SDC3: variants seen among roughly 807,000 people sequenced by gnomAD.
SDC3 encodes syndecan 3.
SDC3 carries 13 observed loss-of-function variants against 24.4 expected under a neutral mutation model. The ratio of observed to expected loss-of-function variants is 0.53; its 90% CI spans 0.35 to 0.85. The LOEUF (loss-of-function observed/expected upper bound fraction) is 0.85, where lower values mean the gene tolerates loss of function less well. SDC3 is among the 40% of genes least tolerant of loss of function. The pLI is 0.01. For synonymous variants in SDC3, 295 were observed against 260.9 expected (o/e 1.13, Z -1.26); for missense variants, 571 against 584.5 (o/e 0.98, Z 0.24).
chr1:30,890,510 CAACT>C (rs1639889361), intron 1 of SDC3, among the ~76,000 whole-genome samples: 1 of 152,150 alleles, frequency 6.6e-6, no homozygotes, highest in Non-Finnish European at 1.5e-5. Context: ...AAACAAGGAG[CAACT>C]GTTAATGGGT....
Position 30,908,462 on chromosome 1 carries a change from C to A in SDC3, c.125G>T (p.Gly42Val). The part of the protein sequence containing the change: ...LPPLLLLLLA[G>V]RAAGAQRWRS... ...CGTGTCACTCACCCCCGCGGCGCGC[C>A]CCGCCAGCAGCAGCAGCAGCAGCGG... Residue 42 changes from glycine (G) to valine (V), a missense_variant, in exon 1 of 5, where the codon GGG (glycine) becomes GTG (valine). Transcript: ENST00000339394. The A allele has an allele frequency of 9.6e-7, 1 of 1,037,630 alleles. No homozygotes were observed. Among genetic ancestry groups the A allele is most frequent in the Middle Eastern group, 4.7e-4 (1 of 2,144 alleles). 64.3% of individuals were successfully genotyped at this position (1,037,630 alleles called of 1,614,324 possible).
At chr1:30,908,319 C>T (rs1249556012) in intron 1 of SDC3, 130 bp downstream of exon 1, 7 of 340,286 alleles carry the variant, frequency 2.1e-5, no homozygotes, top group Non-Finnish European at 2.7e-5. Context: ...GCAGGGACCG[C>T]GGCCCCGGGG....
intron 1 of SDC3, among the ~76,000 whole-genome samples, chr1:30,886,379 G>A (rs1259476427): frequency 6.6e-6 from 1 of 151,796 alleles, no homozygotes; most frequent in African/African-American, 2.4e-5. Flanking sequence ...ACATACGCAC[G>A]CCAACCACCT....
At chr1:30,879,507 A>T (rs966502305) in intron 1 of SDC3, among the ~76,000 whole-genome samples, 1 of 152,086 alleles carries the variant, frequency 6.6e-6, no homozygotes, top group Non-Finnish European at 1.5e-5. Context: ...AGAAAGAAAA[A>T]TACCCACGGT....
chr1:30,897,942 A>G (rs1202467023), intron 1 of SDC3, among the ~76,000 whole-genome samples: 1 of 152,166 alleles, frequency 6.6e-6, no homozygotes, highest in Non-Finnish European at 1.5e-5. Flanking sequence ...ATCTCATGCT[A>G]TCTCCTCACG....
chr1:30,897,952 G>A (rs571619762), intron 1 of SDC3, among the ~76,000 whole-genome samples: 7 of 152,248 alleles, frequency 4.6e-5, no homozygotes, highest in East Asian at 1.9e-4. Context: ...ATCTCCTCAC[G>A]ACAAAAGGGC....
intron 1 of SDC3, among the ~76,000 whole-genome samples, chr1:30,885,329 T>G (rs569006612): frequency 9.9e-5 from 15 of 152,220 alleles, no homozygotes; most frequent in Non-Finnish European, 1.6e-4. Flanking sequence ...GAACTCACTA[T>G]CAAAGTGAAT....
intron 1 of SDC3, among the ~76,000 whole-genome samples, chr1:30,896,700 C>A (rs954038303): frequency 5.9e-5 from 9 of 152,078 alleles, no homozygotes; most frequent in African/African-American, 2.2e-4. Flanking sequence ...CATTTGGGAG[C>A]ATTTTGGGCT....
In SDC3 at chr1:30,872,830, AGG is replaced by A; in HGVS notation, c.*379_*380del. On this transcript the variant is annotated 3_prime_UTR_variant, in exon 5 of 5. Coordinates refer to ENST00000339394, the MANE Select transcript of SDC3 (RefSeq NM_014654.4). ...GCCTGAGTGCCTCTCTGCCCCAAAA[AGG>A]AGATCTCAGTGAGCACTGTGGGTGC... The A allele has an allele frequency of 4.5e-6, 1 of 221,540 alleles. No homozygotes were observed. Among genetic ancestry groups the A allele is most frequent in the Non-Finnish European group, 9.0e-6 (1 of 111,374 alleles). The allele number at this position is 221,540 out of a possible 1,614,324, so 13.7% of individuals were successfully genotyped here.
chr1:30,897,010 G>A (rs1638277262), intron 1 of SDC3, among the ~76,000 whole-genome samples: 1 of 152,156 alleles, frequency 6.6e-6, no homozygotes, highest in African/African-American at 2.4e-5. Context: ...TGAGGCTGGA[G>A]AAGTGCATTG....
At chr1:30,894,120 A>AGTGT (rs995033839) in intron 1 of SDC3, among the ~76,000 whole-genome samples, 1 of 151,332 alleles carries the variant, frequency 6.6e-6, no homozygotes, top group Non-Finnish European at 1.5e-5. Flanking sequence ...GAGCCCCAGC[A>AGTGT]GTGTGTGTGT....
chr1:30,875,851 T>C (rs1639628275), intron 3 of SDC3, among the ~76,000 whole-genome samples: 1 of 152,182 alleles, frequency 6.6e-6, no homozygotes, highest in African/African-American at 2.4e-5. Flanking sequence ...CAGTTGCTCG[T>C]CTGTAAAATG....
In SDC3 at chr1:30,869,735, C is replaced by T. The variant is rs985168532; in HGVS notation, c.*3476G>A. The T allele has an allele frequency of 7.5e-6, 3 of 398,546 alleles. No homozygotes were observed. The highest frequency in any genetic ancestry group is 8.8e-6 in the Non-Finnish European group (2 of 226,150). 24.7% of individuals were successfully genotyped at this position (398,546 alleles called of 1,614,324 possible). On this transcript the variant is annotated 3_prime_UTR_variant, in exon 5 of 5. Coordinates refer to ENST00000339394, the MANE Select transcript of SDC3 (RefSeq NM_014654.4). The stretch of plus-strand genomic sequence containing the variant: ...AACAGGTTACAGGGGAGAGAAGGGG[C>T]AGGGAAGGCCTGGGGGAGGGAATGG...
intron 1 of SDC3, among the ~76,000 whole-genome samples, chr1:30,880,184 G>A (rs1251162927): frequency 2.6e-5 from 4 of 152,016 alleles, no homozygotes; most frequent in Admixed American, 2.0e-4. Context: ...CATGACAACC[G>A]TTACCATGAC....
At position 30,870,177 on chromosome 1, in the gene SDC3, C is replaced by G. The variant is rs1639508190; in HGVS notation, c.*3034G>C. 2.9e-6 allele frequency: 1 copy of G among 349,114 alleles called. No homozygotes were observed. Among genetic ancestry groups the G allele is most frequent in the Admixed American group, 4.8e-5 (1 of 21,028 alleles). 21.6% of individuals were successfully genotyped at this position (349,114 alleles called of 1,614,324 possible). On this transcript the variant is annotated 3_prime_UTR_variant, in exon 5 of 5. Transcript: ENST00000339394. ...AGGCCTGACAGGCGGCTTTGCCAAC[C>G]CCAGGGGGGTTTGGCCCACACACCC... is the stretch of plus-strand genomic sequence containing the variant.
At chr1:30,877,420 T>C (rs1324995657) in intron 2 of SDC3, 1 of 607,084 alleles carries the variant, frequency 1.6e-6, no homozygotes, top group East Asian at 2.8e-5. Context: ...CCTTGACTAT[T>C]CCTGCCCACC....
rs1374635584 is a variant in SDC3, at chr1:30,894,265, GT to G, written c.138+14183del. Reference sequence around the variant, plus strand: ...TGTGTGTGGATGAGTATGTGTGTGTGTGGGTGAGTGTGTGTGGGGGAGTGAG... The same window carrying G: ...TGTGTGTGGATGAGTATGTGTGTGTGGGGTGAGTGTGTGTGGGGGAGTGAG... On this transcript the variant is annotated intron_variant, in intron 1 of 4. Coordinates refer to ENST00000339394, the MANE Select transcript of SDC3 (RefSeq NM_014654.4). 1.8e-3 allele frequency among the ~76,000 whole-genome samples: 266 copies of G among 149,602 alleles called. 1 individual carries two copies. Among genetic ancestry groups the G allele is most frequent in the African/African-American group, 5.6e-3 (226 of 40,570 alleles).
intron 2 of SDC3, chr1:30,878,336 C>A (rs1195876367): frequency 6.1e-6 from 2 of 327,358 alleles, no homozygotes; most frequent in Non-Finnish European, 1.2e-5. Context: ...CCACCGGAAC[C>A]AAGCAAGGTC....
Position 30,908,552 on chromosome 1 carries a change from G to T in SDC3, c.35C>A (p.Ala12Asp), listed in dbSNP as rs1638581359. Residue 12 changes from alanine (A) to aspartate (D), a missense_variant, in exon 1 of 5, where the codon GCC becomes GAC. Physicochemically the swap from Ala to Asp is moderately radical, Grantham distance 126 (BLOSUM62 -2). Coordinates refer to ENST00000339394, the MANE Select transcript of SDC3 (RefSeq NM_014654.4). ...CCCGGCCCCGGCGCCGGCCCCGTGGGCGGCCCCGGCACGGTGCGGCGGCCC... is the reference window on the plus strand; with the variant it reads ...CCCGGCCCCGGCGCCGGCCCCGTGGTCGGCCCCGGCACGGTGCGGCGGCCC... Reference protein sequence around the residue: ...KPGPPHRAGAAHGAGAGAGAA... With the variant: ...KPGPPHRAGADHGAGAGAGAA... 1 of 971,988 alleles carries T rather than the reference G, an allele frequency of 1.0e-6. No homozygotes were observed. Among genetic ancestry groups the T allele is most frequent in the Admixed American group, 6.5e-5 (1 of 15,420 alleles). 60.2% of individuals were successfully genotyped at this position (971,988 alleles called of 1,614,324 possible).
Sources: allele counts gnomAD v4.1 joint callset (sites outside exome capture counted in the v4.1 genomes callset), GRCh38; gene constraint gnomAD v4.1.1; transcripts MANE v1.5; gene names NCBI Gene and HGNC (gene_info 2026-07-23, HGNC 2026-07-21).